PDGFD: variants seen among roughly 807,000 people sequenced by gnomAD.
PDGFD encodes platelet derived growth factor D.
A neutral mutation model predicts 44.7 loss-of-function variants in PDGFD; 30 were observed. That is an observed-to-expected ratio of 0.67 (90% CI 0.50 to 0.91). PDGFD has a LOEUF of 0.91. Ranked by LOEUF, PDGFD falls within the 40% of genes least tolerant of loss-of-function variation. The pLI, the probability that PDGFD is intolerant of heterozygous loss-of-function variation, is 0.00. For synonymous variants in PDGFD, 173 were observed against 168.4 expected, an observed-to-expected ratio of 1.03 and a Z score of -0.21; for missense variants, 445 against 457.8, an observed-to-expected ratio of 0.97 and a Z score of 0.25.
At chr11:104,030,248 A>G (rs1352939551) in intron 1 of PDGFD, among the ~76,000 whole-genome samples, 1 of 152,232 alleles carries the variant, frequency 6.6e-6, no homozygotes, top group Non-Finnish European at 1.5e-5. Context: ...CAGATAAGGG[A>G]AACTCAACCT....
chr11:104,001,727 C>G (rs1022551253), intron 1 of PDGFD, among the ~76,000 whole-genome samples: 3 of 152,134 alleles, frequency 2.0e-5, no homozygotes, highest in African/African-American at 7.2e-5. Context: ...CAGCCACAGT[C>G]TATTTATGTT....
chr11:104,118,218 G>A (rs1861669418), intron 1 of PDGFD, among the ~76,000 whole-genome samples: 1 of 151,800 alleles, frequency 6.6e-6, no homozygotes, highest in Non-Finnish European at 1.5e-5. Flanking sequence ...TGTAGATGGA[G>A]TCTTTGAGAG....
At chr11:103,919,236 C>A (rs1202020244) in intron 6 of PDGFD, among the ~76,000 whole-genome samples, 2 of 152,174 alleles carry the variant, frequency 1.3e-5, no homozygotes, top group African/African-American at 4.8e-5. Flanking sequence ...ATTACCTCAT[C>A]ACAAAAGATA....
intron 1 of PDGFD, among the ~76,000 whole-genome samples, chr11:104,103,591 C>G (rs12281491): frequency 1.3e-3 from 197 of 150,546 alleles, no homozygotes; most frequent in African/African-American, 4.3e-3. Context: ...TGCATAACAA[C>G]CATTTGGTCA....
chr11:103,994,499 T>C (rs1475982425), intron 3 of PDGFD, among the ~76,000 whole-genome samples: 1 of 152,254 alleles, frequency 6.6e-6, no homozygotes, highest in Non-Finnish European at 1.5e-5. Flanking sequence ...CATGTTATTT[T>C]TTCATTTACA....
rs1858324694 is a variant in PDGFD at position 103,926,955 on chromosome 11, G to C, written c.944C>G (p.Ser315Cys). 4 of 1,614,038 alleles carry C rather than the reference G, an allele frequency of 2.5e-6. No individual in the cohort carries two copies. The highest frequency in any genetic ancestry group is 3.4e-6 in the Non-Finnish European group (4 of 1,180,030). The change falls in exon 6 of 7, where the codon TCC (serine) becomes TGC (cysteine). Residue 315 changes from serine (S) to cysteine (C), a missense_variant. Coordinates refer to ENST00000393158, the MANE Select transcript of PDGFD (RefSeq NM_025208.5). ...GGTTTTCCCTGAATTGCATGTGCAG[G>C]ACCTCCAGTTGACAGTTCCACAGCC... ...NCGCGTVNWR[S>C]CTCNSGKTVK...
intron 1 of PDGFD, among the ~76,000 whole-genome samples, chr11:104,145,382 C>G (rs892437979): frequency 2.6e-5 from 4 of 152,172 alleles, no homozygotes; most frequent in African/African-American, 9.6e-5. Flanking sequence ...ATAGTTGAAA[C>G]AGTACTGGAT....
rs140049127 is a variant in PDGFD, at chr11:104,064,917, C to T, written c.125-64662G>A. On this transcript the variant is annotated intron_variant, in intron 1 of 6. Transcript: ENST00000393158. ...CTTGATGGAATTGAAGGATACAAAG[C>T]ATTGTTCCTGGGTGTATCTGTGAGG... Among the ~76,000 whole-genome samples the T allele has an allele frequency of 8.5e-3, 1,294 of 152,278 alleles. 24 individuals are homozygous for T. Among genetic ancestry groups the T allele is most frequent in the African/African-American group, 0.029 (1,208 of 41,558 alleles).
chr11:104,127,805 C>T (rs1861861249), intron 1 of PDGFD, among the ~76,000 whole-genome samples: 1 of 152,096 alleles, frequency 6.6e-6, no homozygotes, highest in Admixed American at 6.6e-5. Flanking sequence ...TAAGGTAACA[C>T]CCAGGGCATC....
chr11:104,002,257 G>C (rs1859631401), intron 1 of PDGFD, among the ~76,000 whole-genome samples: 1 of 152,166 alleles, frequency 6.6e-6, no homozygotes, highest in South Asian at 2.1e-4. Context: ...GATATGGTTT[G>C]GCTCTGTGTC....
chr11:104,112,163 A>C (rs1024748458), intron 1 of PDGFD, among the ~76,000 whole-genome samples: 2 of 152,162 alleles, frequency 1.3e-5, no homozygotes, highest in African/African-American at 4.8e-5. Context: ...TTAAATCAAC[A>C]ATGTGTTTTT....
intron 1 of PDGFD, among the ~76,000 whole-genome samples, chr11:104,123,903 A>T (rs1247397159): frequency 6.6e-6 from 1 of 152,124 alleles, no homozygotes; most frequent in African/African-American, 2.4e-5. Context: ...CAAAGGCCCA[A>T]CTATCTCAGT....
At chr11:104,103,247 G>C (rs552609802) in intron 1 of PDGFD, among the ~76,000 whole-genome samples, 1 of 151,952 alleles carries the variant, frequency 6.6e-6, no homozygotes, top group South Asian at 2.1e-4. Context: ...GTGAGTTCTG[G>C]CTTACTACAA....
intron 3 of PDGFD, among the ~76,000 whole-genome samples, chr11:103,983,524 T>C (rs768301001): frequency 7.2e-5 from 11 of 151,778 alleles, no homozygotes; most frequent in Non-Finnish European, 5.9e-5. Flanking sequence ...GATTTCATGA[T>C]AAATATGCCA....
chr11:104,037,494 A>G, intron 1 of PDGFD: 1 of 1,614,178 alleles, frequency 6.2e-7, no homozygotes, highest in Non-Finnish European at 8.5e-7. Context: ...AAAACATTGA[A>G]GAAAACATGA....
chr11:104,031,439 G>A lies in PDGFD; in HGVS notation c.125-31184C>T, dbSNP rs1860123115. Among the ~76,000 whole-genome samples, 3 of 152,220 alleles carry A rather than the reference G, an allele frequency of 2.0e-5. No individual in the cohort carries two copies. The South Asian group carries it at 6.2e-4, about 32-fold the overall frequency. ...AAGAAATGCAACACAAAACCATAAT[G>A]AGATACAATCTAATACCAGTCAGAA... is the stretch of plus-strand genomic sequence containing the variant. On this transcript the variant is annotated intron_variant, in intron 1 of 6. Transcript: ENST00000393158.
At chr11:104,079,212 A>T (rs1471781429) in intron 1 of PDGFD, among the ~76,000 whole-genome samples, 2 of 152,212 alleles carry the variant, frequency 1.3e-5, no homozygotes, top group Non-Finnish European at 2.9e-5. Flanking sequence ...AGTCTGTCAC[A>T]GTATCTTAAT....
At chr11:104,013,031 C>T (rs560742466) in intron 1 of PDGFD, among the ~76,000 whole-genome samples, 1 of 152,300 alleles carries the variant, frequency 6.6e-6, no homozygotes, top group East Asian at 1.9e-4. Context: ...CCACTATGTC[C>T]CCCACCCTGT....
At chr11:103,989,752 A>T (rs1343456659) in intron 3 of PDGFD, among the ~76,000 whole-genome samples, 1 of 152,154 alleles carries the variant, frequency 6.6e-6, no homozygotes, top group Non-Finnish European at 1.5e-5. Context: ...AGGTGAAATG[A>T]AGTCCCATTA....
Sources: gnomAD v4.1 joint callset for allele counts (sites outside exome capture counted in the v4.1 genomes callset) on GRCh38, gnomAD v4.1.1 for gene constraint, MANE v1.5 for transcripts, NCBI Gene and HGNC (gene_info 2026-07-23, HGNC 2026-07-21) for gene names.